The following ERBB4 variants were observed in gnomAD, a reference collection of about 807,000 sequenced individuals.
ERBB4 encodes the protein erb-b2 receptor tyrosine kinase 4, also known as receptor tyrosine-protein kinase erbB-4.
Under a neutral mutation model 158.0 loss-of-function variants are expected in ERBB4, and 42 were observed. The ratio of observed to expected loss-of-function variants is 0.27; its 90% CI spans 0.21 to 0.34. The LOEUF is 0.34. Ranked by LOEUF, ERBB4 falls within the 10% of genes least tolerant of loss-of-function variation. The pLI is 1.00. For synonymous variants in ERBB4, 583 were observed against 558.7 expected, an observed-to-expected ratio of 1.04 and a Z score of -0.61; for missense variants, 1,333 against 1,624.1, an observed-to-expected ratio of 0.82 and a Z score of 3.08.
chr2:212,298,336 A>T (rs989416472), intron 1 of ERBB4, among the ~76,000 whole-genome samples: 15 of 151,946 alleles, frequency 9.9e-5, no homozygotes, highest in Admixed American at 9.9e-4. Context: ...TTTCTGTATC[A>T]TCTAATTCAG....
At position 211,377,493 on chromosome 2, in the gene ERBB4, A is replaced by G. The variant is rs904609002; in HGVS notation, c.*6122T>C. 4 of 232,934 alleles carry G rather than the reference A, an allele frequency of 1.7e-5. No homozygotes were observed. Among genetic ancestry groups the G allele is most frequent in the African/African-American group, 6.6e-5 (3 of 45,324 alleles). The allele number at this position is 232,934 out of a possible 1,614,324, so 14.4% of individuals were successfully genotyped here. A position where few individuals can be genotyped will look rare whatever the true frequency, so the allele number is the denominator to read the frequency against. Reference sequence around the variant, plus strand: ...AGAGCAAAAGTAGGTAAAGGATGGCATTCTATTAAACAACATGGATTTTCA... The same window carrying G: ...AGAGCAAAAGTAGGTAAAGGATGGCGTTCTATTAAACAACATGGATTTTCA... On this transcript the variant is annotated 3_prime_UTR_variant, in exon 28 of 28. Transcript: ENST00000342788.
At chr2:212,057,845 A>G (rs956075863) in intron 2 of ERBB4, among the ~76,000 whole-genome samples, 11 of 152,326 alleles carry the variant, frequency 7.2e-5, no homozygotes, top group African/African-American at 2.4e-4. Flanking sequence ...TCTAAAATTG[A>G]CACCCTAACA....
intron 1 of ERBB4, among the ~76,000 whole-genome samples, chr2:212,446,620 TATATATATATATATA>T (rs1355843786): frequency 2.5e-5 from 2 of 81,258 alleles, no homozygotes; most frequent in East Asian, 7.3e-4. Context: ...TATATATATA[TATATATATATATATA>T]TATCCTATTA....
At chr2:212,017,747 G>A (rs113935350) in intron 2 of ERBB4, among the ~76,000 whole-genome samples, 4 of 152,000 alleles carry the variant, frequency 2.6e-5, no homozygotes, top group African/African-American at 9.7e-5. Context: ...CTCCACTCTG[G>A]CCTACAGTGG....
At chr2:212,314,887 G>A (rs1480486453) in intron 1 of ERBB4, among the ~76,000 whole-genome samples, 2 of 151,186 alleles carry the variant, frequency 1.3e-5, no homozygotes, top group Non-Finnish European at 3.0e-5. Flanking sequence ...GGGACCAAGA[G>A]CTTAAATTAT....
intron 4 of ERBB4, among the ~76,000 whole-genome samples, chr2:211,758,852 C>T (rs1297227380): frequency 6.6e-6 from 1 of 152,160 alleles, no homozygotes; most frequent in East Asian, 1.9e-4. Flanking sequence ...TATATTAACT[C>T]ATTTAATCCT....
intron 1 of ERBB4, among the ~76,000 whole-genome samples, chr2:212,460,580 G>T (rs1688521745): frequency 6.6e-6 from 1 of 152,142 alleles, no homozygotes; most frequent in Non-Finnish European, 1.5e-5. Flanking sequence ...CTAGAGATTT[G>T]TGAAACTTTG....
chr2:212,414,634 A>C (rs1034499053), intron 1 of ERBB4, among the ~76,000 whole-genome samples: 1 of 152,220 alleles, frequency 6.6e-6, no homozygotes, highest in Non-Finnish European at 1.5e-5. Context: ...CCTAATAAAA[A>C]TATGAGGTTT....
chr2:211,921,953 C>T (rs1408378400), intron 3 of ERBB4, among the ~76,000 whole-genome samples: 3 of 152,154 alleles, frequency 2.0e-5, no homozygotes, highest in Admixed American at 6.5e-5. Context: ...TCAGCACGTA[C>T]CTGTTATTTC....
intron 3 of ERBB4, among the ~76,000 whole-genome samples, chr2:211,913,692 C>T (rs13400321): frequency 0.32 from 45,167 of 140,072 alleles, 7,299 homozygotes; most frequent in African/African-American, 0.42. Flanking sequence ...TGTATATATA[C>T]ATAGAGAGAG....
intron 5 of ERBB4, among the ~76,000 whole-genome samples, chr2:211,750,043 T>C (rs2075084568): frequency 6.6e-6 from 1 of 152,194 alleles, no homozygotes; most frequent in Non-Finnish European, 1.5e-5. Flanking sequence ...TTATATTTAG[T>C]ATGCTTTGTT....
At chr2:211,794,689 T>C (rs1313894370) in intron 3 of ERBB4, among the ~76,000 whole-genome samples, 4 of 151,948 alleles carry the variant, frequency 2.6e-5, no homozygotes, top group Non-Finnish European at 5.9e-5. Flanking sequence ...AAGAAAGTAG[T>C]AATCCACTTA....
intron 19 of ERBB4, among the ~76,000 whole-genome samples, chr2:211,601,769 C>T (rs1377797510): frequency 2.1e-5 from 3 of 144,272 alleles, no homozygotes; most frequent in Non-Finnish European, 4.6e-5. Flanking sequence ...TGAAAGAAGA[C>T]AGAAAAACAG....
chr2:212,296,363 T>C (rs1404033406), intron 1 of ERBB4, among the ~76,000 whole-genome samples: 1 of 151,712 alleles, frequency 6.6e-6, no homozygotes, highest in African/African-American at 2.4e-5. Context: ...AAGTAGAGGG[T>C]GGTTTCCAAT....
chr2:211,982,089 TAAA>T (rs2081815845), intron 2 of ERBB4, among the ~76,000 whole-genome samples: 1 of 151,938 alleles, frequency 6.6e-6, no homozygotes, highest in African/African-American at 2.4e-5. Flanking sequence ...GCAATATTGA[TAAA>T]AACAATAAAT....
intron 20 of ERBB4, among the ~76,000 whole-genome samples, chr2:211,453,406 T>A (rs1278661282): frequency 6.6e-6 from 1 of 152,184 alleles, no homozygotes; most frequent in African/African-American, 2.4e-5. Context: ...AATTTCATCA[T>A]GCTTAAAACC....
chr2:212,007,722 T>A (rs1003135961), intron 2 of ERBB4, among the ~76,000 whole-genome samples: 3 of 151,962 alleles, frequency 2.0e-5, no homozygotes, highest in Non-Finnish European at 4.4e-5. Flanking sequence ...ATAGATTTTA[T>A]ACTCACATCT....
At chr2:211,663,407 T>A (rs1242317939) in intron 15 of ERBB4, among the ~76,000 whole-genome samples, 1 of 152,218 alleles carries the variant, frequency 6.6e-6, no homozygotes, top group Non-Finnish European at 1.5e-5. Flanking sequence ...TGTCTCAACT[T>A]AATTCTGCGG....
chr2:211,378,634 A>T lies in ERBB4; in HGVS notation c.*4981T>A, dbSNP rs2062521002. ...ATTAATTCTACCCAGAAGTATAAAA[A>T]CTGGCCCCATTGTAATATCAGTAAT... On this transcript the variant is annotated 3_prime_UTR_variant, in exon 28 of 28. Coordinates refer to ENST00000342788, the MANE Select transcript of ERBB4 (RefSeq NM_005235.3). The T allele has an allele frequency of 4.3e-6, 1 of 232,336 alleles. No homozygotes were observed. Among genetic ancestry groups the T allele is most frequent in the Admixed American group, 5.6e-5 (1 of 17,728 alleles). The allele number at this position is 232,336 out of a possible 1,614,324, so 14.4% of individuals were successfully genotyped here.
Sources: gnomAD v4.1 joint callset for allele counts (sites outside exome capture counted in the v4.1 genomes callset) on GRCh38, gnomAD v4.1.1 for gene constraint, MANE v1.5 for transcripts, NCBI Gene and HGNC (gene_info 2026-07-23, HGNC 2026-07-21) for gene names.